The following BICRA variants were observed in gnomAD, a reference collection of about 807,000 sequenced individuals.
BICRA encodes BRD4 interacting chromatin remodeling complex associated protein.
BICRA carries 31 observed loss-of-function variants against 96.9 expected under a neutral mutation model. That is an observed-to-expected ratio of 0.32 (90% CI 0.24 to 0.43). The LOEUF (loss-of-function observed/expected upper bound fraction) is 0.43, where lower values mean the gene tolerates loss of function less well. BICRA is among the 20% of genes least tolerant of loss of function. BICRA has a pLI of 1.00. For synonymous variants in BICRA, 1,350 were observed against 1,071.8 expected, an observed-to-expected ratio of 1.26 and a Z score of -5.07; for missense variants, 2,283 against 2,190.3, an observed-to-expected ratio of 1.04 and a Z score of -0.84.
chr19:47,621,701 C>T (rs1336014001), intron 1 of BICRA, among the ~76,000 whole-genome samples: 1 of 152,048 alleles, frequency 6.6e-6, no homozygotes, highest in African/African-American at 2.4e-5. Context: ...AACTCCTGAC[C>T]TCAGTTGATC....
chr19:47,663,683 G>GA (rs1972735163), intron 1 of BICRA: 1 of 152,182 alleles, frequency 6.6e-6, no homozygotes, highest in South Asian at 2.1e-4. Flanking sequence ...GAAAGGCTGG[G>GA]AAAGTGAGTG....
chr19:47,611,479 T>C (rs1971906817), intron 1 of BICRA, among the ~76,000 whole-genome samples: 1 of 152,098 alleles, frequency 6.6e-6, no homozygotes, highest in African/African-American at 2.4e-5. Context: ...ACTGTCATCT[T>C]CTCCCTTCTC....
rs374850663 is a variant in BICRA at position 47,698,691 on chromosome 19, G to A, written c.3306G>A (p.Thr1102=). Residue 1102 remains threonine (T), a synonymous_variant, in exon 12 of 15, where the codon ACG becomes ACA. Coordinates refer to ENST00000594866, the MANE Select transcript of BICRA (RefSeq NM_001394372.1). The surrounding 1 kb of genome is among the most constrained non-coding windows in gnomAD (Gnocchi z 4.8). ...CCGTCCTGCACCCCGACTACAAGAC[G>A]GCCTTCCCCTCCTTTGAGGACGCCC... ...QGSVLHPDYK[T]AFPSFEDALH... 3.1e-6 allele frequency: 5 copies of A among 1,592,164 alleles called. No individual in the cohort carries two copies. The African/African-American group carries it at 4.0e-5, about 13-fold the overall frequency.
intron 1 of BICRA, among the ~76,000 whole-genome samples, chr19:47,666,551 A>G (rs1972782284): frequency 6.8e-6 from 1 of 146,010 alleles, no homozygotes; most frequent in Non-Finnish European, 1.5e-5. Context: ...TGCTGGCATT[A>G]CAGGTGTGAG....
intron 2 of BICRA, among the ~76,000 whole-genome samples, chr19:47,671,947 G>T (rs1403150522): frequency 7.3e-6 from 1 of 136,590 alleles, no homozygotes; most frequent in East Asian, 2.4e-4. Context: ...AGGGATGGGT[G>T]GGTAGATGGA....
chr19:47,686,122 G>T (rs768212944), intron 7 of BICRA, among the ~76,000 whole-genome samples: 1 of 151,900 alleles, frequency 6.6e-6, no homozygotes, highest in Non-Finnish European at 1.5e-5. Context: ...GTAGAGACAG[G>T]TTTTCTCCAT....
chr19:47,701,862 G>T lies in BICRA; in HGVS notation c.4130G>T (p.Gly1377Val), dbSNP rs1221148658. Residue 1377 changes from glycine (G) to valine (V), a missense_variant, in exon 15 of 15, where the codon GGC becomes GTC. Coordinates refer to ENST00000594866, the MANE Select transcript of BICRA (RefSeq NM_001394372.1). The surrounding 1 kb of genome is among the most constrained non-coding windows in gnomAD (Gnocchi z 5.4). ...PPAAPERKPL[G>V]TAPHCPRLPL... ...GCCGCCCCCGAGCGCAAGCCCCTGGGCACCGCCCCGCACTGCCCGCGCCTG... is the reference window on the plus strand; with the variant it reads ...GCCGCCCCCGAGCGCAAGCCCCTGGTCACCGCCCCGCACTGCCCGCGCCTG... The T allele has an allele frequency of 6.8e-7, 1 of 1,478,356 alleles. No homozygotes were observed. The highest frequency in any genetic ancestry group is 2.9e-5 in the East Asian group (1 of 34,934). The allele number at this position is 1,478,356 out of a possible 1,614,324, so 91.6% of individuals were successfully genotyped here. A position where few individuals can be genotyped will look rare whatever the true frequency, so the allele number is the denominator to read the frequency against.
intron 7 of BICRA, among the ~76,000 whole-genome samples, chr19:47,693,714 T>G (rs1237806199): frequency 6.6e-6 from 1 of 152,160 alleles, no homozygotes; most frequent in Non-Finnish European, 1.5e-5. Context: ...CCGGCCCTCC[T>G]GCCTCCTGCT....
intron 7 of BICRA, among the ~76,000 whole-genome samples, chr19:47,690,844 T>C (rs1406252704): frequency 6.6e-6 from 1 of 152,078 alleles, no homozygotes; most frequent in Non-Finnish European, 1.5e-5. Context: ...AAATTAAATT[T>C]TTTTAATTTT....
intron 1 of BICRA, among the ~76,000 whole-genome samples, chr19:47,634,037 G>C (rs1972262379): frequency 6.6e-6 from 1 of 152,154 alleles, no homozygotes; most frequent in Admixed American, 6.5e-5. Flanking sequence ...TGTAAATTCC[G>C]TTTCCCCCTC....
Position 47,702,281 on chromosome 19 carries a change from C to T in BICRA, c.4549C>T (p.Arg1517Trp). 1.3e-6 allele frequency: 2 copies of T among 1,594,490 alleles called. No individual in the cohort carries two copies. The highest frequency in any genetic ancestry group is 1.1e-5 in the South Asian group (1 of 90,258). The change falls in exon 15 of 15, where the codon CGG becomes TGG. Residue 1517 changes from arginine (R) to tryptophan (W), a missense_variant. Coordinates refer to ENST00000594866, the MANE Select transcript of BICRA (RefSeq NM_001394372.1). ...SILNLQQAPG[R>W]TPAPSYPHAA... ...CCTGAACCTGCAGCAGGCCCCCGGC[C>T]GGACGCCCGCGCCCTCGTACCCCCA...
Position 47,680,846 on chromosome 19 carries a change from T to G in BICRA, c.1676T>G (p.Val559Gly). The G allele has an allele frequency of 1.3e-6, 2 of 1,585,240 alleles. No individual in the cohort carries two copies. Among genetic ancestry groups the G allele is most frequent in the Non-Finnish European group, 1.7e-6 (2 of 1,172,256 alleles). The change falls in exon 6 of 15, where the codon GTG becomes GGG. Residue 559 changes from valine (V) to glycine (G), a missense_variant. Val to Gly is a moderately radical substitution (Grantham distance 109). Transcript: ENST00000594866. Reference sequence around the variant, plus strand: ...CAGCCTGCGCTCTTCCAGATGCCCGTGTCGCTGGCGGCGGGCAGCCTGCCC... The same window carrying G: ...CAGCCTGCGCTCTTCCAGATGCCCGGGTCGCTGGCGGCGGGCAGCCTGCCC... ...VGQPALFQMP[V>G]SLAAGSLPTQ...
chr19:47,677,301 C>T (rs953963200), intron 5 of BICRA, among the ~76,000 whole-genome samples: 4 of 152,200 alleles, frequency 2.6e-5, no homozygotes. Flanking sequence ...AGATGGAAAT[C>T]TGTATCATAA....
At chr19:47,655,749 G>A (rs929998486) in intron 1 of BICRA, among the ~76,000 whole-genome samples, 3 of 151,274 alleles carry the variant, frequency 2.0e-5, no homozygotes, top group Non-Finnish European at 4.4e-5. Flanking sequence ...CCAGCTACTC[G>A]GGAGGCTGAG....
In BICRA at chr19:47,680,295, C is replaced by T. The variant is rs1398551218; in HGVS notation, c.1125C>T (p.Gly375=). Residue 375 remains glycine, a synonymous_variant, in exon 6 of 15, where the codon GGC becomes GGT. Coordinates refer to ENST00000594866, the MANE Select transcript of BICRA (RefSeq NM_001394372.1). ...CGCCCAAGCCGTTTGCGCCCGCGGG[C>T]GCCACGCTCACCATCCAGGGCGAGC... ...QLTPKPFAPA[G]ATLTIQGEPG... 2 of 1,555,048 alleles carry T rather than the reference C, an allele frequency of 1.3e-6. No homozygotes were observed. The highest frequency in any genetic ancestry group is 1.7e-6 in the Non-Finnish European group (2 of 1,159,094).
chr19:47,626,173 T>C (rs919229916), intron 1 of BICRA: 2 of 152,174 alleles, frequency 1.3e-5, no homozygotes, highest in African/African-American at 4.8e-5. Flanking sequence ...TTACCTTGGC[T>C]CGCCCCAGCT....
At chr19:47,668,783 G>A (rs976936775) in intron 1 of BICRA, among the ~76,000 whole-genome samples, 2 of 151,980 alleles carry the variant, frequency 1.3e-5, no homozygotes, top group Admixed American at 6.6e-5. Context: ...GAGCCACGGC[G>A]CCCGGCTGTC....
chr19:47,656,281 C>T (rs1418629937), intron 1 of BICRA, among the ~76,000 whole-genome samples: 1 of 152,092 alleles, frequency 6.6e-6, no homozygotes, highest in Admixed American at 6.6e-5. Context: ...AAGGCTGTGA[C>T]GTGCCTTTCA....
rs755963952 is a variant in BICRA at position 47,694,619 on chromosome 19, C to T, written c.2788C>T (p.Pro930Ser). 9.5e-6 allele frequency: 15 copies of T among 1,570,972 alleles called. No homozygotes were observed. The highest frequency in any genetic ancestry group is 1.2e-5 in the Non-Finnish European group (14 of 1,142,360). Residue 930 changes from proline (P) to serine (S), a missense_variant, in exon 8 of 15, where the codon CCT becomes TCT. Transcript: ENST00000594866. The stretch of plus-strand genomic sequence containing the variant: ...TCCCCCTCCAACCCTCCACCTGGTC[C>T]CTGAGCCGGCAGCACCCCCCCCACC... ...PTPPPTLHLV[P>S]EPAAPPPPPP...
Sources: gnomAD v4.1 joint callset for allele counts (sites outside exome capture counted in the v4.1 genomes callset) on GRCh38, gnomAD v4.1.1 for gene constraint, Gnocchi (gnomAD v3.1) non-coding constraint, MANE v1.5 for transcripts, NCBI Gene and HGNC (gene_info 2026-07-23, HGNC 2026-07-21) for gene names.